Variants in PPFIA2 observed in about 807,000 individuals in gnomAD.
PPFIA2 encodes liprin-alpha-2.
PPFIA2 carries 46 observed loss-of-function variants against 175.5 expected under a neutral mutation model. The observed-to-expected ratio is 0.26, with a 90% CI of 0.21 to 0.34. PPFIA2 has a LOEUF of 0.34. Ranked by LOEUF, PPFIA2 falls within the 10% of genes least tolerant of loss-of-function variation. The pLI is 1.00. For missense variants in PPFIA2, 1,179 were observed against 1,506.1 expected (o/e 0.78, Z 3.60); for synonymous variants, 568 against 511.4 (o/e 1.11, Z -1.49).
rs141939694 is a variant in PPFIA2, at chr12:81,672,798, A to G, written c.303+3993T>C. Among the ~76,000 whole-genome samples the G allele has an allele frequency of 3.2e-4, 48 of 152,142 alleles. 1 individual carries two copies. The East Asian group carries it at 7.2e-3, about 23-fold the overall frequency. On this transcript the variant is annotated intron_variant, in intron 4 of 32. Transcript: ENST00000549396. ...AGATTTAATTTAAATCCTGATAATA[A>G]CATTTTGTAACATACAATGAAACAT...
intron 4 of PPFIA2, chr12:81,535,382 G>A: frequency 6.6e-6 from 3 of 455,182 alleles, no homozygotes; most frequent in Non-Finnish European, 1.3e-5. Context: ...CACCAGCACT[G>A]GATTTCAGAA....
In PPFIA2 at chr12:81,263,264, T is replaced by C; in HGVS notation, c.3682A>G (p.Thr1228Ala). 3 of 1,611,306 alleles carry C rather than the reference T, an allele frequency of 1.9e-6. No individual in the cohort carries two copies. The highest frequency in any genetic ancestry group is 3.3e-4 in the Middle Eastern group (2 of 6,062). Residue 1228 changes from threonine to alanine, a missense_variant, in exon 31 of 33, where the codon ACC becomes GCC. Thr to Ala is a moderately conservative substitution (Grantham distance 58). Transcript: ENST00000549396. ...TLPAGFRLTT[T>A]SGQSRKMTTD... ...GTCATTTTTCTTGACTGCCCAGAGG[T>C]TGTGGTTAACCTAAATCCAGCTGGT... is the stretch of plus-strand genomic sequence containing the variant.
intron 4 of PPFIA2, among the ~76,000 whole-genome samples, chr12:81,589,658 T>C (rs922670650): frequency 3.3e-5 from 5 of 152,070 alleles, no homozygotes; most frequent in Non-Finnish European, 7.4e-5. Context: ...CAGCAGAATA[T>C]AATGGAAAGA....
intron 4 of PPFIA2, among the ~76,000 whole-genome samples, chr12:81,578,939 A>G (rs1489892684): frequency 6.6e-6 from 1 of 151,844 alleles, no homozygotes; most frequent in Non-Finnish European, 1.5e-5. Flanking sequence ...TCAATAATTC[A>G]GGTACTTTAA....
intron 4 of PPFIA2, among the ~76,000 whole-genome samples, chr12:81,465,576 T>C (rs764069228): frequency 1.3e-5 from 2 of 152,182 alleles, no homozygotes; most frequent in Non-Finnish European, 2.9e-5. Flanking sequence ...TGAACTTTAA[T>C]AATTCTTCTA....
intron 16 of PPFIA2, among the ~76,000 whole-genome samples, chr12:81,354,614 TA>T (rs1330084741): frequency 1.3e-5 from 2 of 152,098 alleles, no homozygotes; most frequent in African/African-American, 4.8e-5. Flanking sequence ...CCATGAGGGT[TA>T]AAATCAATGT....
intron 14 of PPFIA2, among the ~76,000 whole-genome samples, chr12:81,366,323 C>T (rs548325116): frequency 3.3e-5 from 5 of 151,634 alleles, no homozygotes; most frequent in Admixed American, 6.6e-5. Flanking sequence ...ACCACATACC[C>T]TACAACAGGA....
At chr12:81,294,485 GGAAAGA>G in intron 24 of PPFIA2, 1 of 168,070 alleles carries the variant, frequency 5.9e-6, no homozygotes. Context: ...AAGGAAGGAA[GGAAAGA>G]AGGAAGGAAG....
intron 9 of PPFIA2, among the ~76,000 whole-genome samples, chr12:81,380,510 C>A (rs149954602): frequency 1.3e-5 from 2 of 150,872 alleles, no homozygotes; most frequent in Non-Finnish European, 2.9e-5. Context: ...TTTTTAAGTA[C>A]GTGATTTTCA....
chr12:81,266,031 G>A (rs984290952), intron 30 of PPFIA2, among the ~76,000 whole-genome samples: 12 of 152,174 alleles, frequency 7.9e-5, no homozygotes, highest in Non-Finnish European at 1.6e-4. Flanking sequence ...CAAGACTGTA[G>A]AACTTATCTC....
At chr12:81,329,203 T>C (rs556207276) in intron 21 of PPFIA2, among the ~76,000 whole-genome samples, 2 of 152,306 alleles carry the variant, frequency 1.3e-5, no homozygotes, top group East Asian at 1.9e-4. Context: ...TAGGAAACTA[T>C]GTGGAAAGAA....
intron 4 of PPFIA2, among the ~76,000 whole-genome samples, chr12:81,538,712 C>A (rs1163559691): frequency 6.6e-6 from 1 of 151,810 alleles, no homozygotes; most frequent in African/African-American, 2.4e-5. Flanking sequence ...TTTTGTGGAA[C>A]AGGATGGGGG....
At chr12:81,478,536 T>C (rs906056626) in intron 4 of PPFIA2, among the ~76,000 whole-genome samples, 5 of 152,208 alleles carry the variant, frequency 3.3e-5, no homozygotes, top group Non-Finnish European at 5.9e-5. Flanking sequence ...TCTTTCCTGC[T>C]TTCTCCTGTG....
intron 32 of PPFIA2, among the ~76,000 whole-genome samples, chr12:81,261,633 A>G (rs1031532297): frequency 2.0e-5 from 3 of 152,206 alleles, no homozygotes; most frequent in Non-Finnish European, 4.4e-5. Context: ...ATTATTATCA[A>G]TAAAATGCTA....
At chr12:81,629,955 A>T (rs1258754692) in intron 4 of PPFIA2, among the ~76,000 whole-genome samples, 1 of 152,178 alleles carries the variant, frequency 6.6e-6, no homozygotes, top group Non-Finnish European at 1.5e-5. Context: ...ATTATCTGGG[A>T]TTATTCAGTG....
intron 4 of PPFIA2, among the ~76,000 whole-genome samples, chr12:81,628,239 T>C (rs998603575): frequency 3.9e-5 from 6 of 152,166 alleles, no homozygotes; most frequent in African/African-American, 1.4e-4. Flanking sequence ...ATGGATTAAG[T>C]AACAACATGA....
intron 3 of PPFIA2, among the ~76,000 whole-genome samples, chr12:81,708,604 A>T (rs1438641150): frequency 6.6e-6 from 1 of 152,130 alleles, no homozygotes; most frequent in Non-Finnish European, 1.5e-5. Context: ...CTTAAAACTG[A>T]TTGTTACTAT....
At chr12:81,347,098 A>AATT (rs995786917) in intron 18 of PPFIA2, among the ~76,000 whole-genome samples, 4 of 145,966 alleles carry the variant, frequency 2.7e-5, no homozygotes, top group Admixed American at 1.4e-4. Context: ...ACACCCAGCT[A>AATT]ATTTTTTTCT....
intron 3 of PPFIA2, among the ~76,000 whole-genome samples, chr12:81,753,754 C>A (rs2084219670): frequency 6.6e-6 from 1 of 152,192 alleles, no homozygotes. Context: ...TGGATAAGAA[C>A]TCTTGCTTCT....
Sources: gnomAD v4.1 joint callset for allele counts (sites outside exome capture counted in the v4.1 genomes callset) on GRCh38, gnomAD v4.1.1 for gene constraint, MANE v1.5 for transcripts, NCBI Gene and HGNC (gene_info 2026-07-23, HGNC 2026-07-21) for gene names.